The following PDE3A variants were observed in gnomAD, a reference collection of about 807,000 sequenced individuals.
PDE3A encodes phosphodiesterase 3A, also known as cGMP-inhibited 3',5'-cyclic phosphodiesterase 3A.
In PDE3A, 43 loss-of-function variants were observed where a neutral mutation model predicts 98.3. The observed-to-expected ratio is 0.44, with a 90% CI of 0.34 to 0.56. The LOEUF (loss-of-function observed/expected upper bound fraction) is 0.56, where lower values mean the gene tolerates loss of function less well. Ranked by LOEUF, PDE3A falls within the 20% of genes least tolerant of loss-of-function variation. The pLI is 0.01. For synonymous variants in PDE3A, 663 were observed against 567.9 expected (o/e 1.17, Z -2.38); for missense variants, 1,427 against 1,440.7 (o/e 0.99, Z 0.15).
At chr12:20,387,894 A>G (rs1265854109) in intron 1 of PDE3A, among the ~76,000 whole-genome samples, 2 of 152,066 alleles carry the variant, frequency 1.3e-5, no homozygotes, top group Non-Finnish European at 2.9e-5. Flanking sequence ...AATTGAGGAT[A>G]GGCCAAATTC....
Position 20,588,133 on chromosome 12 carries a change from T to C in PDE3A, c.1012-25310T>C, listed in dbSNP as rs11045321. Among the ~76,000 whole-genome samples the C allele has an allele frequency of 1.3e-3, 201 of 152,164 alleles. 2 individuals are homozygous for C. The East Asian group carries it at 0.03, about 23-fold the overall frequency. On this transcript the variant is annotated intron_variant, in intron 2 of 15. Coordinates refer to ENST00000359062, the MANE Select transcript of PDE3A (RefSeq NM_000921.5). ...TGGAAGAGAACCATGAAGAAGGCGG[T>C]AGGGGCAGTTGTTTTTCTGTGCCTG...
At position 20,552,006 on chromosome 12, in the gene PDE3A, C is replaced by T; in HGVS notation, c.961-4654C>T. On this transcript the variant is annotated intron_variant, in intron 1 of 15. Transcript: ENST00000359062. This position sits in a 1 kb window ranked among gnomAD's most constrained non-coding sequence, Gnocchi z 5.1. ...GCCGGAGCAACGACGGAGCGTACTC[C>T]CTAGTCCTGGCGGGGGGCTACGAGG... 6.2e-7 allele frequency: 1 copy of T among 1,612,524 alleles called. No homozygotes were observed. The highest frequency in any genetic ancestry group is 8.5e-7 in the Non-Finnish European group (1 of 1,179,896).
chr12:20,652,629 T>C (rs1221171831), intron 14 of PDE3A, among the ~76,000 whole-genome samples: 1 of 152,180 alleles, frequency 6.6e-6, no homozygotes, highest in African/African-American at 2.4e-5. Flanking sequence ...TGTTTTTTTC[T>C]TGTAAATTTG....
At chr12:20,671,225 A>G (rs1395903402) in intron 15 of PDE3A, among the ~76,000 whole-genome samples, 2 of 148,756 alleles carry the variant, frequency 1.3e-5, no homozygotes, top group Non-Finnish European at 2.9e-5. Flanking sequence ...CCAACAAAAA[A>G]GAGTCCAGGA....
At chr12:20,454,403 T>C (rs752609474) in intron 1 of PDE3A, among the ~76,000 whole-genome samples, 1 of 152,212 alleles carries the variant, frequency 6.6e-6, no homozygotes, top group Non-Finnish European at 1.5e-5. Context: ...GCTGACATGT[T>C]ATTGTCTTAT....
At chr12:20,549,328 T>C (rs1555159784) in intron 1 of PDE3A, among the ~76,000 whole-genome samples, 1 of 151,062 alleles carries the variant, frequency 6.6e-6, no homozygotes, top group Non-Finnish European at 1.5e-5. Flanking sequence ...GCCAGAATGC[T>C]GTAATCGTGG....
chr12:20,627,410 C>T (rs572422117), intron 5 of PDE3A, among the ~76,000 whole-genome samples: 1 of 142,512 alleles, frequency 7.0e-6, no homozygotes, highest in East Asian at 2.3e-4. Flanking sequence ...CGTTCCCTGC[C>T]CCTCTTTTTG....
chr12:20,543,421 CCT>C (rs1941973473), intron 1 of PDE3A, among the ~76,000 whole-genome samples: 1 of 151,932 alleles, frequency 6.6e-6, no homozygotes, highest in Non-Finnish European at 1.5e-5. Context: ...GCTATTTGGG[CCT>C]CTCTGGCCCC....
At chr12:20,611,302 C>T (rs7964405) in intron 2 of PDE3A, among the ~76,000 whole-genome samples, 2,804 of 151,858 alleles carry the variant, frequency 0.018, 86 homozygotes, top group African/African-American at 0.064. Context: ...CTTAAATTTT[C>T]ATATTGGTTC....
Position 20,368,748 on chromosome 12 carries a change from G to C in PDE3A, c.-537G>C, listed in dbSNP as rs1320174883. On this transcript the variant is annotated 5_prime_UTR_variant, in exon 1 of 16. Transcript: ENST00000359062. ...GGAGAAAGAAAGAGTGATAGAAAAA[G>C]AGCTGCAGGAAGGAGGAGAAGGGAG... is the stretch of plus-strand genomic sequence containing the variant. Among the ~76,000 whole-genome samples the C allele has an allele frequency of 6.6e-6, 1 of 151,924 alleles. No homozygotes were observed. Among genetic ancestry groups the C allele is most frequent in the Non-Finnish European group, 1.5e-5 (1 of 67,976 alleles).
chr12:20,581,491 A>G (rs918904390), intron 2 of PDE3A, among the ~76,000 whole-genome samples: 1 of 152,196 alleles, frequency 6.6e-6, no homozygotes, highest in Admixed American at 6.5e-5. Flanking sequence ...TTCTCATGTT[A>G]CAATTTGTTG....
At chr12:20,630,764 C>T (rs1257438365) in intron 6 of PDE3A, among the ~76,000 whole-genome samples, 2 of 152,078 alleles carry the variant, frequency 1.3e-5, no homozygotes, top group Admixed American at 1.3e-4. Flanking sequence ...TCTCTTCTTA[C>T]TGGTTAATGT....
chr12:20,615,277 A>G (rs961782659), intron 3 of PDE3A, among the ~76,000 whole-genome samples: 13 of 152,086 alleles, frequency 8.5e-5, no homozygotes, highest in Admixed American at 2.0e-4. Context: ...CTCTTGTCTC[A>G]GTGCAGATGA....
intron 1 of PDE3A, among the ~76,000 whole-genome samples, chr12:20,433,529 A>T (rs2120811757): frequency 6.6e-6 from 1 of 152,260 alleles, no homozygotes. Context: ...ACAAACATTG[A>T]TACTACTCTC....
At chr12:20,584,861 G>A (rs1015192423) in intron 2 of PDE3A, among the ~76,000 whole-genome samples, 10 of 151,890 alleles carry the variant, frequency 6.6e-5, no homozygotes, top group South Asian at 2.1e-4. Flanking sequence ...CCTGTTTTCT[G>A]GGCAGTTTTA....
intron 1 of PDE3A, among the ~76,000 whole-genome samples, chr12:20,379,280 G>A (rs545978906): frequency 3.3e-5 from 5 of 151,722 alleles, no homozygotes; most frequent in East Asian, 1.9e-4. Flanking sequence ...TATTTTTATC[G>A]TATTTTAGAG....
intron 1 of PDE3A, among the ~76,000 whole-genome samples, chr12:20,549,739 T>C (rs1942149870): frequency 6.6e-6 from 1 of 152,116 alleles, no homozygotes. Flanking sequence ...ATAAAGATGA[T>C]ATTAATATAT....
At chr12:20,463,797 T>C (rs1163719477) in intron 1 of PDE3A, among the ~76,000 whole-genome samples, 1 of 152,180 alleles carries the variant, frequency 6.6e-6, no homozygotes, top group African/African-American at 2.4e-5. Context: ...ACATACTTAA[T>C]CCCACTTCCC....
chr12:20,430,409 A>G (rs1198629432), intron 1 of PDE3A, among the ~76,000 whole-genome samples: 1 of 152,154 alleles, frequency 6.6e-6, no homozygotes, highest in East Asian at 1.9e-4. Flanking sequence ...TGCTGAGATT[A>G]ATAACTTGGT....
Sources: gnomAD v4.1 joint callset for allele counts (sites outside exome capture counted in the v4.1 genomes callset) on GRCh38, gnomAD v4.1.1 for gene constraint, Gnocchi (gnomAD v3.1) non-coding constraint, MANE v1.5 for transcripts, NCBI Gene and HGNC (gene_info 2026-07-23, HGNC 2026-07-21) for gene names.